Variants in RBCK1 observed in about 807,000 individuals in gnomAD.
RBCK1 encodes RANBP2-type and C3HC4-type zinc finger containing 1, also known as ranBP-type and C3HC4-type zinc finger-containing protein 1.
A neutral mutation model predicts 71.1 loss-of-function variants in RBCK1; 44 were observed. The ratio of observed to expected loss-of-function variants is 0.62; its 90% CI spans 0.49 to 0.80. RBCK1 has a LOEUF of 0.80. Ranked by LOEUF, RBCK1 falls within the 30% of genes least tolerant of loss-of-function variation. The probability of loss-of-function intolerance (pLI) is 0.00; values close to 1 mark genes in which losing one functional copy is unlikely to be tolerated. For missense variants in RBCK1, 569 were observed against 685.0 expected (o/e 0.83, Z 1.89); for synonymous variants, 306 against 279.7 (o/e 1.09, Z -0.94).
rs1304604321 is a variant in RBCK1, at chr20:431,334, G to C, written c.*904G>C. Among the ~76,000 whole-genome samples, 1 of 152,130 alleles carries C rather than the reference G, an allele frequency of 6.6e-6. No individual in the cohort carries two copies. Among genetic ancestry groups the C allele is most frequent in the Admixed American group, 6.5e-5 (1 of 15,270 alleles). On this transcript the variant is annotated 3_prime_UTR_variant, in exon 12 of 12. Transcript: ENST00000356286. The surrounding 1 kb of genome is among the most constrained non-coding windows in gnomAD (Gnocchi z 4.8). ...TAGTTCAAGAAGGAACGAAGCTGCT[G>C]CAGTTGAGGGGTGGGGTTGTCCATC...
Position 427,509 on chromosome 20 carries a change from C to A in RBCK1, c.1209+17C>A. ...CTCTGCAAGGTGGGGCCTGCAGGGA[C>A]TCCCCCCACCTAGTCACTGTCATCT... On this transcript the variant is annotated intron_variant, in intron 9 of 11. Coordinates refer to ENST00000356286, the MANE Select transcript of RBCK1 (RefSeq NM_031229.4). 6.2e-7 allele frequency: 1 copy of A among 1,611,096 alleles called. No homozygotes were observed. Among genetic ancestry groups the A allele is most frequent in the South Asian group, 1.1e-5 (1 of 90,900 alleles).
intron 9 of RBCK1, among the ~76,000 whole-genome samples, chr20:427,956 G>A (rs1251356835): frequency 6.6e-6 from 1 of 152,118 alleles, no homozygotes; most frequent in Non-Finnish European, 1.5e-5. Flanking sequence ...CCTATACCAC[G>A]TCTCCACCCG....
Position 417,193 on chromosome 20 carries a change from A to G in RBCK1, c.168-333A>G. ...ATTAAATAGTCTTAGCACGTAGTTA[A>G]CAACAACTTCTGGTGGTTTCACTAA... On this transcript the variant is annotated intron_variant, in intron 2 of 11. Coordinates refer to ENST00000356286, the MANE Select transcript of RBCK1 (RefSeq NM_031229.4). The surrounding 1 kb of genome is among the most constrained non-coding windows in gnomAD (Gnocchi z 4.7). 1 of 535,368 alleles carries G rather than the reference A, an allele frequency of 1.9e-6. No homozygotes were observed. Among genetic ancestry groups the G allele is most frequent in the Non-Finnish European group, 3.7e-6 (1 of 268,516 alleles). 33.2% of individuals were successfully genotyped at this position (535,368 alleles called of 1,614,324 possible). A position where few individuals can be genotyped will look rare whatever the true frequency, so the allele number is the denominator to read the frequency against.
At chr20:411,696 G>A (rs2122184578) in intron 2 of RBCK1, among the ~76,000 whole-genome samples, 1 of 152,276 alleles carries the variant, frequency 6.6e-6, no homozygotes, top group South Asian at 2.1e-4. Context: ...AAAGTCTGTA[G>A]AGATAAGGTC....
At position 417,634 on chromosome 20, in the gene RBCK1, G is replaced by A. The variant is rs11698154; in HGVS notation, c.261+15G>A. ...TCAAGGACATGGTGAGTGAGGAGGCGGAGGGCGACACTGGGGTGAAGGCTC... is the reference window on the plus strand; with the variant it reads ...TCAAGGACATGGTGAGTGAGGAGGCAGAGGGCGACACTGGGGTGAAGGCTC... On this transcript the variant is annotated intron_variant, in intron 3 of 11. Transcript: ENST00000356286. This position sits in a 1 kb window ranked among gnomAD's most constrained non-coding sequence, Gnocchi z 4.7. 4.9e-5 allele frequency: 79 copies of A among 1,611,142 alleles called. No individual in the cohort carries two copies. The highest frequency in any genetic ancestry group is 6.0e-5 in the Non-Finnish European group (71 of 1,177,780).
chr20:422,357 A>G lies in RBCK1; in HGVS notation c.1029+119A>G. The stretch of plus-strand genomic sequence containing the variant: ...TTTTTTTTGGAGATGGGGTCTCACT[A>G]TGTTGTCCAAGCTGGTCTCAAACTC... On this transcript the variant is annotated intron_variant, in intron 8 of 11. Coordinates refer to ENST00000356286, the MANE Select transcript of RBCK1 (RefSeq NM_031229.4). This position sits in a 1 kb window ranked among gnomAD's most constrained non-coding sequence, Gnocchi z 5.0. 2.5e-6 allele frequency: 2 copies of G among 786,340 alleles called. No individual in the cohort carries two copies. The highest frequency in any genetic ancestry group is 3.3e-5 in the South Asian group (2 of 60,776). 48.7% of individuals were successfully genotyped at this position (786,340 alleles called of 1,614,324 possible). A position where few individuals can be genotyped will look rare whatever the true frequency, so the allele number is the denominator to read the frequency against.
intron 4 of RBCK1, among the ~76,000 whole-genome samples, chr20:418,470 G>A (rs976084818): frequency 2.1e-4 from 32 of 152,042 alleles, no homozygotes; most frequent in Admixed American, 2.1e-3. Flanking sequence ...CCGGGTTCAC[G>A]CCATTCTCCT....
intron 7 of RBCK1, 118 bp downstream of exon 7, chr20:421,149 A>G: frequency 7.9e-7 from 1 of 1,267,986 alleles, no homozygotes; most frequent in East Asian, 2.7e-5. Context: ...GCGAAAACCT[A>G]CGAGGTAGGC....
intron 11 of RBCK1, among the ~76,000 whole-genome samples, chr20:429,576 T>G (rs991204488): frequency 6.6e-6 from 1 of 152,206 alleles, no homozygotes; most frequent in Non-Finnish European, 1.5e-5. Flanking sequence ...AGATGACTAT[T>G]TTGTGACGTG....
chr20:425,136 A>C (rs868259921), intron 8 of RBCK1, among the ~76,000 whole-genome samples: 1 of 151,744 alleles, frequency 6.6e-6, no homozygotes, highest in South Asian at 2.1e-4. Flanking sequence ...TCAGCCTCCC[A>C]AGTAGCTGGG....
chr20:425,199 C>A (rs994025388), intron 8 of RBCK1, among the ~76,000 whole-genome samples: 2 of 152,112 alleles, frequency 1.3e-5, no homozygotes, highest in Non-Finnish European at 2.9e-5. Flanking sequence ...TCAGTACAGA[C>A]GAGTTTTCAC....
intron 4 of RBCK1, 74 bp from the exon 5 acceptor site, chr20:419,273 C>A (rs1484822934): frequency 1.9e-6 from 3 of 1,594,646 alleles, no homozygotes; most frequent in Admixed American, 1.7e-5. Context: ...CTGGCTGGCT[C>A]AGGGAGACCC....
chr20:421,641 G>T (rs2016444093), intron 7 of RBCK1, among the ~76,000 whole-genome samples: 1 of 152,184 alleles, frequency 6.6e-6, no homozygotes, highest in South Asian at 2.1e-4. Context: ...GGACCGGAAG[G>T]CCTGCTGTAG....
At chr20:426,938 A>C (rs1020734108) in intron 8 of RBCK1, among the ~76,000 whole-genome samples, 1 of 148,680 alleles carries the variant, frequency 6.7e-6, no homozygotes, top group African/African-American at 2.5e-5. Context: ...CGATCCTCAC[A>C]ACCCAGCCTC....
chr20:428,573 C>T lies in RBCK1; in HGVS notation c.1292C>T (p.Thr431Met), dbSNP rs760689114. Residue 431 changes from threonine (T) to methionine (M), a missense_variant, in exon 10 of 12, where the codon ACG (threonine) becomes ATG (methionine). Physicochemically the swap from Thr to Met is moderately conservative, Grantham distance 81. Coordinates refer to ENST00000356286, the MANE Select transcript of RBCK1 (RefSeq NM_031229.4). The surrounding 1 kb of genome is among the most constrained non-coding windows in gnomAD (Gnocchi z 5.7). ...CAGAACGATGTGGCTGCCCGGCAGA[C>T]GACAGAGATGCTGAAGGTGAGGCTG... The part of the protein sequence containing the change: ...RAQNDVAARQ[T>M]TEMLKVMLQQ... 17 of 1,611,168 alleles carry T rather than the reference C, an allele frequency of 1.1e-5. No individual in the cohort carries two copies. Among genetic ancestry groups the T allele is most frequent in the African/African-American group, 2.7e-5 (2 of 74,886 alleles).
chr20:408,813 C>T (rs1377986933), intron 1 of RBCK1, 34 bp downstream of exon 1: 12 of 1,599,298 alleles, frequency 7.5e-6, no homozygotes, highest in East Asian at 4.6e-5. Flanking sequence ...GGGGAACTTC[C>T]GGTGGGAAGT....
At chr20:427,215 G>A in intron 8 of RBCK1, 98 bp from the exon 9 acceptor site, 2 of 1,239,964 alleles carry the variant, frequency 1.6e-6, no homozygotes, top group East Asian at 2.4e-5. Flanking sequence ...CTGGGTTGGA[G>A]TTTCTGGGCT....
chr20:423,500 T>C (rs1324187371), intron 8 of RBCK1, among the ~76,000 whole-genome samples: 2 of 152,208 alleles, frequency 1.3e-5, no homozygotes, highest in Non-Finnish European at 2.9e-5. Flanking sequence ...ATAGAACATA[T>C]TCTTACAAAA....
rs753504843 is a variant in RBCK1, at chr20:431,585, C to T, written c.*1155C>T. ...GACCATCATCATAGCAGGCAGAGGG[C>T]GCCTCTGCTGCTGAAGGCCTGTGAT... On this transcript the variant is annotated 3_prime_UTR_variant, in exon 12 of 12. Transcript: ENST00000356286. The surrounding 1 kb of genome is among the most constrained non-coding windows in gnomAD (Gnocchi z 4.8). Among the ~76,000 whole-genome samples the T allele has an allele frequency of 2.0e-5, 3 of 152,130 alleles. No individual in the cohort carries two copies. The highest frequency in any genetic ancestry group is 2.9e-5 in the Non-Finnish European group (2 of 68,032).
Sources: gnomAD v4.1 joint callset for allele counts (sites outside exome capture counted in the v4.1 genomes callset) on GRCh38, gnomAD v4.1.1 for gene constraint, Gnocchi (gnomAD v3.1) non-coding constraint, MANE v1.5 for transcripts, NCBI Gene and HGNC (gene_info 2026-07-23, HGNC 2026-07-21) for gene names.